The following TPST1 variants were observed in gnomAD, a reference collection of about 807,000 sequenced individuals.
TPST1 encodes the protein tyrosylprotein sulfotransferase 1.
TPST1 carries 20 observed loss-of-function variants against 34.8 expected under a neutral mutation model. The observed-to-expected ratio is 0.57, with a 90% CI of 0.40 to 0.84. The LOEUF (loss-of-function observed/expected upper bound fraction) is 0.84, where lower values mean the gene tolerates loss of function less well. Among genes scored for constraint, TPST1 ranks in the 40% least tolerant of loss-of-function variants. The probability of loss-of-function intolerance (pLI) is 0.00; values close to 1 mark genes in which losing one functional copy is unlikely to be tolerated. For missense variants in TPST1, 353 were observed against 455.5 expected (o/e 0.78, Z 2.05); for synonymous variants, 152 against 159.4 (o/e 0.95, Z 0.35).
chr7:66,201,651 A>C (rs1241223406), upstream of TPST1, among the ~76,000 whole-genome samples: 7 of 151,752 alleles, frequency 4.6e-5, no homozygotes, highest in Non-Finnish European at 1.0e-4. Context: ...ATATCATGCC[A>C]CTGCACACCA....
chr7:66,212,463 C>CTT (rs756884668), intron 1 of TPST1, among the ~76,000 whole-genome samples: 1 of 60,930 alleles, frequency 1.6e-5, no homozygotes. Context: ...TTTCTTTTTT[C>CTT]TTTTTTTTTT....
At chr7:66,302,164 C>T (rs1423687807) in intron 3 of TPST1, among the ~76,000 whole-genome samples, 1 of 152,144 alleles carries the variant, frequency 6.6e-6, no homozygotes, top group Non-Finnish European at 1.5e-5. Flanking sequence ...TCAAATTTGA[C>T]AGTGAATCAA....
intron 2 of TPST1, among the ~76,000 whole-genome samples, chr7:66,258,118 C>G (rs766763013): frequency 7.2e-5 from 11 of 151,994 alleles, no homozygotes; most frequent in East Asian, 3.9e-4. Flanking sequence ...GTAATTTTCC[C>G]TTTTCTTACT....
At chr7:66,212,900 G>C (rs1366762908) in intron 1 of TPST1, among the ~76,000 whole-genome samples, 2 of 152,138 alleles carry the variant, frequency 1.3e-5, no homozygotes, top group Non-Finnish European at 2.9e-5. Flanking sequence ...TTTGAGAAAT[G>C]TTGAGAAACT....
At chr7:66,226,184 G>T (rs907120992) in intron 1 of TPST1, among the ~76,000 whole-genome samples, 1 of 152,106 alleles carries the variant, frequency 6.6e-6, no homozygotes, top group African/African-American at 2.4e-5. Context: ...ACTGTGCCCC[G>T]CCAGGTACCT....
intron 3 of TPST1, among the ~76,000 whole-genome samples, chr7:66,343,256 C>T (rs1432037571): frequency 6.6e-6 from 1 of 152,124 alleles, no homozygotes; most frequent in Non-Finnish European, 1.5e-5. Context: ...ATTGTAACAA[C>T]GTGGGTACAG....
At chr7:66,216,748 G>A (rs758168194) in intron 1 of TPST1, among the ~76,000 whole-genome samples, 32 of 152,298 alleles carry the variant, frequency 2.1e-4, no homozygotes, top group Non-Finnish European at 4.1e-4. Flanking sequence ...GATTACAGGC[G>A]TAAGCCATTG....
intron 1 of TPST1, among the ~76,000 whole-genome samples, chr7:66,215,069 T>G (rs1789362912): frequency 6.8e-6 from 1 of 147,718 alleles, no homozygotes. Flanking sequence ...ATATATATGT[T>G]TTTTGAGATG....
At chr7:66,350,764 G>GT (rs1473750960) in intron 3 of TPST1, among the ~76,000 whole-genome samples, 1 of 152,102 alleles carries the variant, frequency 6.6e-6, no homozygotes, top group African/African-American at 2.4e-5. Flanking sequence ...CGCGATTCCG[G>GT]TGGTTATCAA....
At chr7:66,318,492 A>G (rs1400889850) in intron 3 of TPST1, among the ~76,000 whole-genome samples, 2 of 150,176 alleles carry the variant, frequency 1.3e-5, no homozygotes, top group East Asian at 3.9e-4. Context: ...TTTTTAGACG[A>G]AGTCTCACTC....
At chr7:66,241,572 G>A (rs1790037365) in intron 2 of TPST1, among the ~76,000 whole-genome samples, 1 of 152,132 alleles carries the variant, frequency 6.6e-6, no homozygotes, top group South Asian at 2.1e-4. Context: ...GCCTTCTTCA[G>A]GGTCTCAGAC....
intron 1 of TPST1, among the ~76,000 whole-genome samples, chr7:66,209,263 TAAAGAAA>T (rs1789196121): frequency 6.6e-6 from 1 of 151,818 alleles, no homozygotes; most frequent in African/African-American, 2.4e-5. Flanking sequence ...ATCTCAAAAT[TAAAGAAA>T]AAAGAAAAAT....
intron 3 of TPST1, among the ~76,000 whole-genome samples, chr7:66,304,591 C>T (rs1426557344): frequency 6.6e-6 from 1 of 152,188 alleles, no homozygotes; most frequent in South Asian, 2.1e-4. Context: ...TACACACCTA[C>T]TTAAACCATA....
At chr7:66,238,145 G>A (rs981457080) in intron 1 of TPST1, among the ~76,000 whole-genome samples, 12 of 152,274 alleles carry the variant, frequency 7.9e-5, no homozygotes, top group African/African-American at 2.2e-4. Context: ...CTTCATCTAA[G>A]TGGGTCTAGG....
At chr7:66,344,203 C>G (rs1279461696) in intron 3 of TPST1, 1 of 151,928 alleles carries the variant, frequency 6.6e-6, no homozygotes, top group East Asian at 1.9e-4. Flanking sequence ...GAGGGCCAGC[C>G]TAGGCAACAG....
Position 66,296,257 on chromosome 7 carries a change from C to T in TPST1, c.1044+9548C>T, listed in dbSNP as rs1269496332. Reference sequence around the variant, plus strand: ...AAAAACACCCACCCTTCCCCCCCCCCTCCCCCACCGTCTCTGCCTATCTTT... The same window carrying T: ...AAAAACACCCACCCTTCCCCCCCCCTTCCCCCACCGTCTCTGCCTATCTTT... On this transcript the variant is annotated intron_variant, in intron 3 of 5. Transcript: ENST00000304842. 4.4e-5 allele frequency among the ~76,000 whole-genome samples: 5 copies of T among 114,156 alleles called. No individual in the cohort carries two copies. In the East Asian group the frequency reaches 8.7e-4, roughly 20 times the overall value. 74.9% of individuals were successfully genotyped at this position (114,156 alleles called of 152,430 possible). A position where few individuals can be genotyped will look rare whatever the true frequency, so the allele number is the denominator to read the frequency against.
intron 1 of TPST1, among the ~76,000 whole-genome samples, chr7:66,236,105 CTT>C (rs1218771479): frequency 2.6e-5 from 4 of 152,022 alleles, no homozygotes; most frequent in Admixed American, 1.3e-4. Flanking sequence ...AGAGGGATGA[CTT>C]TGAATAGAAT....
At chr7:66,222,011 T>C (rs1241535279) in intron 1 of TPST1, among the ~76,000 whole-genome samples, 1 of 152,224 alleles carries the variant, frequency 6.6e-6, no homozygotes, top group African/African-American at 2.4e-5. Flanking sequence ...TTGTTGACTA[T>C]TTGCTTTATA....
chr7:66,212,406 T>TA (rs1789281488), intron 1 of TPST1, among the ~76,000 whole-genome samples: 2 of 152,036 alleles, frequency 1.3e-5, no homozygotes, highest in Non-Finnish European at 2.9e-5. Context: ...AGCACTGTTG[T>TA]AGGAAGCACC....
Sources: allele counts gnomAD v4.1 joint callset (sites outside exome capture counted in the v4.1 genomes callset), GRCh38; gene constraint gnomAD v4.1.1; transcripts MANE v1.5; gene names NCBI Gene and HGNC (gene_info 2026-07-23, HGNC 2026-07-21).